BRCA1: variants seen among roughly 807,000 people sequenced by gnomAD.
The protein encoded by BRCA1 is BRCA1 DNA repair associated.
Under a neutral mutation model 173.7 loss-of-function variants are expected in BRCA1, and 140 were observed. The observed-to-expected ratio is 0.81, with a 90% CI of 0.70 to 0.93. BRCA1 has a LOEUF of 0.93. Among genes scored for constraint, BRCA1 ranks in the 40% least tolerant of loss-of-function variants. BRCA1 has a pLI of 0.00. For synonymous variants in BRCA1, 662 were observed against 756.0 expected (o/e 0.88, Z 2.04); for missense variants, 1,983 against 2,172.5 (o/e 0.91, Z 1.73).
chr17:43,158,642 A>G (rs1398367674), intron 1 of BRCA1, among the ~76,000 whole-genome samples: 1 of 152,258 alleles, frequency 6.6e-6, no homozygotes, highest in Non-Finnish European at 1.5e-5. Flanking sequence ...AATTAATTGA[A>G]GAACTAATGT....
At chr17:43,070,849 T>A in intron 15 of BRCA1, 79 bp downstream of exon 15, 1 of 1,499,186 alleles carries the variant, frequency 6.7e-7, no homozygotes, top group Non-Finnish European at 9.2e-7. Context: ...AGGTTATTAA[T>A]TGACAATACC....
rs1214982937 is a variant in BRCA1, at chr17:43,044,398, C to T, written c.*1280G>A. On this transcript the variant is annotated 3_prime_UTR_variant, in exon 23 of 23. Coordinates refer to ENST00000357654, the MANE Select transcript of BRCA1 (RefSeq NM_007294.4). Reference sequence around the variant, plus strand: ...TCACTGCCCTTGCACACTGGGGGGGCTAGGGAAGACCTAGTCCTTCCAACA... The same window carrying T: ...TCACTGCCCTTGCACACTGGGGGGGTTAGGGAAGACCTAGTCCTTCCAACA... 1 of 506,310 alleles carries T rather than the reference C, an allele frequency of 2.0e-6. No individual in the cohort carries two copies. Among genetic ancestry groups the T allele is most frequent in the Admixed American group, 2.3e-5 (1 of 44,046 alleles). The allele number at this position is 506,310 out of a possible 1,614,324, so 31.4% of individuals were successfully genotyped here.
At position 43,047,732 on chromosome 17, in the gene BRCA1, A is replaced by C. The variant is rs367978134; in HGVS notation, c.5407-29T>G. On this transcript the variant is annotated intron_variant, in intron 21 of 22. Coordinates refer to ENST00000357654, the MANE Select transcript of BRCA1 (RefSeq NM_007294.4). ...GATCCCCAGGAAGGAAAGAGCATTC[A>C]AAGTGTCAAAGTAGGACTACTGGAA... 3.1e-6 allele frequency: 5 copies of C among 1,612,156 alleles called. No individual in the cohort carries two copies. Among genetic ancestry groups the C allele is most frequent in the African/African-American group, 2.7e-5 (2 of 74,872 alleles).
intron 11 of BRCA1, among the ~76,000 whole-genome samples, chr17:43,084,693 A>T (rs1217873998): frequency 6.6e-6 from 1 of 152,202 alleles, no homozygotes. Flanking sequence ...TCCTAGCTTC[A>T]CAAAGGTTTC....
intron 14 of BRCA1, among the ~76,000 whole-genome samples, 199 bp downstream of exon 14, chr17:43,074,132 G>C (rs1316372720): frequency 2.0e-5 from 3 of 152,122 alleles, no homozygotes; most frequent in Non-Finnish European, 4.4e-5. Context: ...TTAAAATATA[G>C]ATGGATTAAC....
intron 12 of BRCA1, among the ~76,000 whole-genome samples, chr17:43,077,889 C>T (rs1399238640): frequency 6.6e-6 from 1 of 151,932 alleles, no homozygotes; most frequent in South Asian, 2.1e-4. Flanking sequence ...GTATGCACCA[C>T]CTCGCCCAAC....
chr17:43,119,982 G>C (rs1308384529), intron 2 of BRCA1, among the ~76,000 whole-genome samples: 5 of 152,188 alleles, frequency 3.3e-5, no homozygotes, highest in Admixed American at 6.5e-5. Flanking sequence ...TCTAGGTCCT[G>C]ATGAGAGTAA....
In BRCA1 at chr17:43,093,485, G is replaced by T. The variant is rs2154402217; in HGVS notation, c.2046C>A (p.Asn682Lys). ...KEPATGAKKS[N>K]KPNEQTSKRH... ...TTTTACTTGTCTGTTCATTTGGCTT[G>T]TTACTCTTCTTGGCTCCAGTTGCAG... is the stretch of plus-strand genomic sequence containing the variant. The change falls in exon 10 of 23, where the codon AAC becomes AAA. Residue 682 changes from asparagine to lysine, a missense_variant. Physicochemically the swap from Asn to Lys is moderately conservative, Grantham distance 94. Coordinates refer to ENST00000357654, the MANE Select transcript of BRCA1 (RefSeq NM_007294.4). 6.2e-7 allele frequency: 1 copy of T among 1,614,088 alleles called. No homozygotes were observed. The highest frequency in any genetic ancestry group is 8.5e-7 in the Non-Finnish European group (1 of 1,180,002).
At chr17:43,168,128 C>T in intron 1 of BRCA1, 1 of 331,316 alleles carries the variant, frequency 3.0e-6, no homozygotes, top group East Asian at 1.1e-4. Flanking sequence ...AGGAGATAAT[C>T]ATATAGGAAT....
upstream of BRCA1, chr17:43,125,664 A>G (rs1201118203): frequency 4.3e-6 from 1 of 230,422 alleles, no homozygotes; most frequent in East Asian, 1.2e-4. Context: ...ATTGCATCAC[A>G]GTAATTGCTG....
At chr17:43,084,382 T>C (rs1597850799) in intron 11 of BRCA1, among the ~76,000 whole-genome samples, 1 of 151,552 alleles carries the variant, frequency 6.6e-6, no homozygotes, top group East Asian at 1.9e-4. Context: ...GCCAGGCTGG[T>C]CTTGAACTCC....
chr17:43,070,372 C>T (rs759457323), intron 15 of BRCA1, among the ~76,000 whole-genome samples: 16 of 152,068 alleles, frequency 1.1e-4, no homozygotes, highest in Non-Finnish European at 1.2e-4. Flanking sequence ...GGGTATTTTT[C>T]CACAGTATGA....
At chr17:43,125,789 G>C (rs1457530432), upstream of BRCA1, 1 of 155,088 alleles carries the variant, frequency 6.4e-6, no homozygotes, top group Non-Finnish European at 1.4e-5. Context: ...AAGTAATAAG[G>C]ATTGTTGGGG....
chr17:43,079,576 T>G (rs1158848642), intron 12 of BRCA1: 6 of 868,586 alleles, frequency 6.9e-6, no homozygotes, highest in Admixed American at 5.1e-5. Flanking sequence ...ATGTGCGTAT[T>G]GAGCACATTA....
rs529629382 is a variant in BRCA1, at chr17:43,125,326, G to C, written c.-75C>G. 84 of 455,596 alleles carry C rather than the reference G, an allele frequency of 1.8e-4. No homozygotes were observed. The highest frequency in any genetic ancestry group is 1.3e-3 in the South Asian group (82 of 64,548). 28.2% of individuals were successfully genotyped at this position (455,596 alleles called of 1,614,324 possible). A position where few individuals can be genotyped will look rare whatever the true frequency, so the allele number is the denominator to read the frequency against. On this transcript the variant is annotated 5_prime_UTR_variant, in exon 1 of 23. Coordinates refer to ENST00000357654, the MANE Select transcript of BRCA1 (RefSeq NM_007294.4). ...TGAGCGCAGGGGCCCAGTTATCTGA[G>C]AAACCCCACAGCCTGTCCCCCGTCC...
At chr17:43,107,125 C>T (rs1194988043) in intron 3 of BRCA1, among the ~76,000 whole-genome samples, 2 of 142,252 alleles carry the variant, frequency 1.4e-5, no homozygotes, top group African/African-American at 5.4e-5. Context: ...AGTGCAGTGG[C>T]ACGATCTCGG....
intron 7 of BRCA1, among the ~76,000 whole-genome samples, chr17:43,098,416 T>C (rs2054226447): frequency 6.6e-6 from 1 of 152,112 alleles, no homozygotes; most frequent in Admixed American, 6.6e-5. Context: ...TGGAGTGCAG[T>C]GGTGTAGTGT....
rs730881485 is a variant in BRCA1, at chr17:43,092,723, A to G, written c.2808T>C (p.Asp936=). The change falls in exon 10 of 23, where the codon GAT becomes GAC. Residue 936 remains aspartate (D), a synonymous_variant. Coordinates refer to ENST00000357654, the MANE Select transcript of BRCA1 (RefSeq NM_007294.4). ...TAGFPVVGQK[D]KPVDNAKCSI... is the part of the protein sequence containing the mutation. ...TACATTTGGCATTATCAACTGGCTT[A>G]TCTTTCTGACCAACCACAGGAAAGC... The G allele has an allele frequency of 6.2e-7, 1 of 1,614,032 alleles. No individual in the cohort carries two copies. Among genetic ancestry groups the G allele is most frequent in the South Asian group, 1.1e-5 (1 of 91,088 alleles).
chr17:43,145,327 TTC>T, intron 1 of BRCA1: 2 of 500,272 alleles, frequency 4.0e-6, no homozygotes. Flanking sequence ...TTTTTTTTCT[TTC>T]TTTTTTTTTT....
Sources: allele counts gnomAD v4.1 joint callset (sites outside exome capture counted in the v4.1 genomes callset), GRCh38; gene constraint gnomAD v4.1.1; transcripts MANE v1.5; gene names NCBI Gene and HGNC (gene_info 2026-07-23, HGNC 2026-07-21).